Variants in ZNF732 observed in about 807,000 individuals in gnomAD.
ZNF732 encodes the protein zinc finger protein LOC654254.
A neutral mutation model predicts 11.5 loss-of-function variants in ZNF732; 12 were observed. The ratio of observed to expected loss-of-function variants is 1.05; its 90% confidence interval spans 0.67 to 1.70. ZNF732 has a LOEUF of 1.70. ZNF732 is among the 40% of genes most tolerant of loss of function. The pLI is 0.00. For missense variants in ZNF732, 702 were observed against 676.9 expected (o/e 1.04, Z -0.41); for synonymous variants, 231 against 236.5 (o/e 0.98, Z 0.21).
chr4:299,396 C>T (rs1393829190), intron 1 of ZNF732, among the ~76,000 whole-genome samples: 4 of 65,872 alleles, frequency 6.1e-5, no homozygotes, highest in African/African-American at 1.3e-4. Flanking sequence ...CATATGTACA[C>T]ATATGTGTAT....
intron 3 of ZNF732, among the ~76,000 whole-genome samples, chr4:289,827 C>T (rs929500810): frequency 2.0e-5 from 3 of 152,138 alleles, no homozygotes; most frequent in East Asian, 1.9e-4. Context: ...GCCAACCCTA[C>T]GATCCCATCA....
intron 3 of ZNF732, among the ~76,000 whole-genome samples, chr4:277,290 G>A (rs1553838846): frequency 1.3e-5 from 2 of 151,856 alleles, no homozygotes; most frequent in Admixed American, 6.6e-5. Context: ...ATGCAAACGG[G>A]ATTACAAGAA....
chr4:299,734 T>C (rs1482285452), intron 1 of ZNF732, among the ~76,000 whole-genome samples: 1 of 148,088 alleles, frequency 6.8e-6, no homozygotes, highest in Non-Finnish European at 1.5e-5. Flanking sequence ...TTCCCTCTTG[T>C]TGCCCAGGCT....
chr4:275,435 A>T (rs191951454), intron 3 of ZNF732, among the ~76,000 whole-genome samples: 1 of 151,856 alleles, frequency 6.6e-6, no homozygotes, highest in Non-Finnish European at 1.5e-5. Flanking sequence ...GAAACAGTGA[A>T]GTACCCAACA....
chr4:297,607 T>TA (rs57681246), intron 1 of ZNF732, among the ~76,000 whole-genome samples: 11,058 of 100,864 alleles, frequency 0.11, 605 homozygotes, highest in South Asian at 0.19. Flanking sequence ...TTAAGATTTG[T>TA]AAAAAAAAAA....
intron 3 of ZNF732, among the ~76,000 whole-genome samples, chr4:293,067 CAA>C (rs1227557602): frequency 9.7e-3 from 340 of 35,096 alleles, no homozygotes; most frequent in African/African-American, 0.03. Flanking sequence ...GACTCCATCT[CAA>C]AAAAAAAAAA....
intron 3 of ZNF732, among the ~76,000 whole-genome samples, chr4:279,429 G>A (rs1477637904): frequency 6.8e-6 from 1 of 146,222 alleles, no homozygotes; most frequent in Non-Finnish European, 1.5e-5. Flanking sequence ...GTGGGTGACA[G>A]AGCGAGACTC....
intron 1 of ZNF732, among the ~76,000 whole-genome samples, chr4:304,576 T>A (rs1161899197): frequency 1.4e-5 from 2 of 145,644 alleles, no homozygotes; most frequent in East Asian, 2.0e-4. Context: ...GCCCCCCCCC[T>A]GCAGACGGCA....
intron 1 of ZNF732, among the ~76,000 whole-genome samples, chr4:299,405 A>G (rs1306984054): frequency 0.039 from 217 of 5,534 alleles, 3 homozygotes; most frequent in Non-Finnish European, 0.1. Flanking sequence ...ACATATGTGT[A>G]TATATATATA....
At chr4:299,510 T>C (rs1720061209) in intron 1 of ZNF732, among the ~76,000 whole-genome samples, 1 of 124,996 alleles carries the variant, frequency 8.0e-6, no homozygotes, top group African/African-American at 3.1e-5. Context: ...TATACACACA[T>C]ATACGTATAT....
intron 1 of ZNF732, among the ~76,000 whole-genome samples, chr4:304,500 C>T (rs1390185216): frequency 2.6e-5 from 4 of 152,154 alleles, no homozygotes; most frequent in Non-Finnish European, 4.4e-5. Context: ...CGGTGTCCAG[C>T]AACTCACTAA....
intron 3 of ZNF732, among the ~76,000 whole-genome samples, chr4:286,665 T>G (rs1553840623): frequency 6.6e-6 from 1 of 152,222 alleles, no homozygotes; most frequent in African/African-American, 2.4e-5. Context: ...TGTTGTTTAA[T>G]GGACAACCTG....
At chr4:283,591 C>T (rs191175763) in intron 3 of ZNF732, among the ~76,000 whole-genome samples, 155 of 150,092 alleles carry the variant, frequency 1.0e-3, no homozygotes, top group African/African-American at 3.7e-3. Flanking sequence ...ATATATATAC[C>T]CAATATTGGA....
chr4:271,131 GTTGA>G lies in ZNF732; in HGVS notation c.1722_1725del (p.Gln575IlefsTer26), dbSNP rs1719344562. On this transcript the variant is annotated frameshift_variant, in exon 4 of 4. Transcript: ENST00000419098. LOFTEE classifies it high-confidence loss of function. ...TTCTCTCCAGTATAAATTTTATTATGTTGATTAAGGTATGAGGACCACTTAAAGG... is the reference window on the plus strand; with the variant it reads ...TTCTCTCCAGTATAAATTTTATTATGTTAAGGTATGAGGACCACTTAAAGG... 4 of 1,520,618 alleles carry G rather than the reference GTTGA, an allele frequency of 2.6e-6. No homozygotes were observed. The highest frequency in any genetic ancestry group is 1.4e-5 in the African/African-American group (1 of 70,982). The allele number at this position is 1,520,618 out of a possible 1,614,324, so 94.2% of individuals were successfully genotyped here. A position where few individuals can be genotyped will look rare whatever the true frequency, so the allele number is the denominator to read the frequency against.
intron 3 of ZNF732, among the ~76,000 whole-genome samples, chr4:273,589 G>T (rs1468435268): frequency 1.3e-5 from 2 of 151,784 alleles, no homozygotes; most frequent in Non-Finnish European, 1.5e-5. Flanking sequence ...AACAAATCAT[G>T]AAGGTGAAAA....
intron 3 of ZNF732, among the ~76,000 whole-genome samples, chr4:291,694 G>A (rs1383239689): frequency 4.6e-5 from 7 of 152,080 alleles, no homozygotes; most frequent in Non-Finnish European, 8.8e-5. Flanking sequence ...TTTTAGTGGC[G>A]TTTTTCACAG....
chr4:290,175 C>T (rs1719814161), intron 3 of ZNF732, among the ~76,000 whole-genome samples: 1 of 152,072 alleles, frequency 6.6e-6, no homozygotes, highest in African/African-American at 2.4e-5. Context: ...AAATTGCTTG[C>T]CTATAGTTAG....
intron 3 of ZNF732, among the ~76,000 whole-genome samples, chr4:277,105 A>T (rs1719512430): frequency 1.3e-5 from 2 of 152,052 alleles, no homozygotes; most frequent in South Asian, 4.1e-4. Context: ...TAATCAAAAA[A>T]ATAAAACTAG....
At chr4:300,299 A>T (rs1459285119) in intron 1 of ZNF732, among the ~76,000 whole-genome samples, 1 of 151,050 alleles carries the variant, frequency 6.6e-6, no homozygotes, top group Non-Finnish European at 1.5e-5. Context: ...CGTCTCAGCT[A>T]AAAAATACAA....
Sources: allele counts gnomAD v4.1 joint callset (sites outside exome capture counted in the v4.1 genomes callset), GRCh38; gene constraint gnomAD v4.1.1; transcripts MANE v1.5; gene names NCBI Gene and HGNC (gene_info 2026-07-23, HGNC 2026-07-21).